Variants in GNAQ observed in about 807,000 individuals in gnomAD.
The protein encoded by GNAQ is guanine nucleotide-binding protein G(q) subunit alpha.
In GNAQ, 8 loss-of-function variants were observed where a neutral mutation model predicts 43.9. The observed-to-expected ratio is 0.18, with a 90% CI of 0.11 to 0.33. GNAQ has a LOEUF of 0.33. Ranked by LOEUF, GNAQ falls within the 10% of genes least tolerant of loss-of-function variation. GNAQ has a pLI of 1.00. For missense variants in GNAQ, 158 were observed against 450.8 expected, an observed-to-expected ratio of 0.35 and a Z score of 5.88; for synonymous variants, 155 against 170.7, an observed-to-expected ratio of 0.91 and a Z score of 0.71.
intron 5 of GNAQ, among the ~76,000 whole-genome samples, chr9:77,739,562 T>C (rs1249937671): frequency 6.6e-6 from 1 of 152,252 alleles, no homozygotes; most frequent in Non-Finnish European, 1.5e-5. Flanking sequence ...AAGATTGACC[T>C]TTCCTAACTT....
intron 1 of GNAQ, among the ~76,000 whole-genome samples, chr9:78,027,481 G>A (rs1334520813): frequency 6.6e-6 from 1 of 152,132 alleles, no homozygotes; most frequent in Non-Finnish European, 1.5e-5. Context: ...GAAAATCTGT[G>A]CTCATATATA....
intron 2 of GNAQ, among the ~76,000 whole-genome samples, chr9:77,920,954 T>G (rs1452488862): frequency 6.6e-6 from 1 of 152,250 alleles, no homozygotes; most frequent in Non-Finnish European, 1.5e-5. Context: ...GGGTTCACTT[T>G]GTGAGTTAAA....
At chr9:77,881,298 T>C (rs1828203211) in intron 2 of GNAQ, among the ~76,000 whole-genome samples, 1 of 152,212 alleles carries the variant, frequency 6.6e-6, no homozygotes, top group Non-Finnish European at 1.5e-5. Flanking sequence ...CACTGACGTA[T>C]CCCAAGCACC....
chr9:77,895,604 A>G (rs145863275), intron 2 of GNAQ, among the ~76,000 whole-genome samples: 165 of 152,186 alleles, frequency 1.1e-3, no homozygotes, highest in African/African-American at 3.9e-3. Flanking sequence ...AGCTCTTGAT[A>G]CCCTCTGTTC....
chr9:77,767,649 A>G (rs1433773145), intron 5 of GNAQ, among the ~76,000 whole-genome samples: 2 of 152,236 alleles, frequency 1.3e-5, no homozygotes, highest in South Asian at 2.1e-4. Context: ...GGATGAGACT[A>G]TTGATACCTG....
intron 2 of GNAQ, among the ~76,000 whole-genome samples, chr9:77,820,993 C>T (rs949917865): frequency 1.3e-4 from 20 of 152,168 alleles, no homozygotes; most frequent in East Asian, 7.7e-4. Context: ...AAATATTTAT[C>T]GCTCATGTGT....
At chr9:77,759,758 G>A (rs931042175) in intron 5 of GNAQ, among the ~76,000 whole-genome samples, 3 of 152,180 alleles carry the variant, frequency 2.0e-5, no homozygotes, top group Non-Finnish European at 1.5e-5. Context: ...TCTAGCCAGT[G>A]ATGTGATTTT....
In GNAQ at chr9:77,720,577, C is replaced by T. The variant is rs1825295152; in HGVS notation, c.*746G>A. ...ACGTGGCATTTCAAAAGAAAGGACTCCTGTGTGTCTTTGATCCTGCCTTCT... is the reference window on the plus strand; with the variant it reads ...ACGTGGCATTTCAAAAGAAAGGACTTCTGTGTGTCTTTGATCCTGCCTTCT... On this transcript the variant is annotated 3_prime_UTR_variant, in exon 7 of 7. Transcript: ENST00000286548. 4.3e-6 allele frequency: 1 copy of T among 233,244 alleles called. No homozygotes were observed. The highest frequency in any genetic ancestry group is 2.2e-5 in the African/African-American group (1 of 45,332). The allele number at this position is 233,244 out of a possible 1,614,324, so 14.4% of individuals were successfully genotyped here. A position where few individuals can be genotyped will look rare whatever the true frequency, so the allele number is the denominator to read the frequency against.
At chr9:78,000,667 A>G (rs1421601976) in intron 1 of GNAQ, among the ~76,000 whole-genome samples, 1 of 152,238 alleles carries the variant, frequency 6.6e-6, no homozygotes, top group East Asian at 1.9e-4. Flanking sequence ...TGTGGGACTG[A>G]TAATACATAG....
intron 5 of GNAQ, among the ~76,000 whole-genome samples, chr9:77,772,659 G>A (rs1329292325): frequency 6.6e-6 from 1 of 152,124 alleles, no homozygotes; most frequent in African/African-American, 2.4e-5. Flanking sequence ...CTGGTTCAAG[G>A]TACTAATAAA....
In GNAQ at chr9:77,815,846, T is replaced by C. The variant is rs1462436629; in HGVS notation, c.322-76A>G. 6.6e-6 allele frequency: 6 copies of C among 905,658 alleles called. No individual in the cohort carries two copies. The East Asian group carries it at 9.8e-5, about 15-fold the overall frequency. The allele number at this position is 905,658 out of a possible 1,614,324, so 56.1% of individuals were successfully genotyped here. On this transcript the variant is annotated intron_variant, in intron 2 of 6. Transcript: ENST00000286548. ...TCTTTGCTTTGCATATTACATTATA[T>C]ACAATTCAGGTAACACCTTCCTTCA...
At chr9:77,750,259 A>G (rs2118289689) in intron 5 of GNAQ, among the ~76,000 whole-genome samples, 1 of 152,312 alleles carries the variant, frequency 6.6e-6, no homozygotes, top group African/African-American at 2.4e-5. Context: ...AAACTCTGTT[A>G]TAGGATTATC....
chr9:77,943,619 T>A (rs566165062), intron 1 of GNAQ, among the ~76,000 whole-genome samples: 7 of 149,872 alleles, frequency 4.7e-5, no homozygotes, highest in African/African-American at 1.7e-4. Flanking sequence ...CTACACAAAT[T>A]GGAAAAAAAA....
intron 5 of GNAQ, among the ~76,000 whole-genome samples, chr9:77,757,940 G>T (rs1389445660): frequency 6.6e-6 from 1 of 152,198 alleles, no homozygotes; most frequent in African/African-American, 2.4e-5. Context: ...AAATTTTAAA[G>T]CCTGCTAAAT....
At chr9:78,026,670 C>T (rs1180621172) in intron 1 of GNAQ, among the ~76,000 whole-genome samples, 1 of 152,140 alleles carries the variant, frequency 6.6e-6, no homozygotes, top group Non-Finnish European at 1.5e-5. Context: ...AACATACCCA[C>T]TCCAGTGAAC....
rs188223293 is a variant in GNAQ at position 77,994,754 on chromosome 9, T to C, written c.136+36346A>G. On this transcript the variant is annotated intron_variant, in intron 1 of 6. Coordinates refer to ENST00000286548, the MANE Select transcript of GNAQ (RefSeq NM_002072.5). Reference sequence around the variant, plus strand: ...ACTTCATTCGCCCCGTTAAAAGTAATTAGTTACCTCCTATAAAGCCTAAAC... The same window carrying C: ...ACTTCATTCGCCCCGTTAAAAGTAACTAGTTACCTCCTATAAAGCCTAAAC... Among the ~76,000 whole-genome samples, 312 of 152,300 alleles carry C rather than the reference T, an allele frequency of 2.0e-3. 7 individuals carry two copies. Among genetic ancestry groups the C allele is most frequent in the Non-Finnish European group, 5.0e-4 (34 of 68,030 alleles).
intron 5 of GNAQ, among the ~76,000 whole-genome samples, chr9:77,750,736 G>A (rs1825799561): frequency 6.6e-6 from 1 of 152,010 alleles, no homozygotes; most frequent in Non-Finnish European, 1.5e-5. Context: ...ACCTCCCTGG[G>A]CTTTTCTTTG....
chr9:77,865,733 C>T (rs1564134628), intron 2 of GNAQ, among the ~76,000 whole-genome samples: 1 of 152,092 alleles, frequency 6.6e-6, no homozygotes, highest in African/African-American at 2.4e-5. Flanking sequence ...TTCTTTCACC[C>T]GTAAAAAAGG....
At chr9:77,874,454 C>T (rs907712578) in intron 2 of GNAQ, among the ~76,000 whole-genome samples, 1 of 152,114 alleles carries the variant, frequency 6.6e-6, no homozygotes, top group African/African-American at 2.4e-5. Flanking sequence ...TAGGAATTTG[C>T]AGATACAATT....
Sources: allele counts gnomAD v4.1 joint callset (sites outside exome capture counted in the v4.1 genomes callset), GRCh38; gene constraint gnomAD v4.1.1; transcripts MANE v1.5; gene names NCBI Gene and HGNC (gene_info 2026-07-23, HGNC 2026-07-21).